PCDHA2: variants seen among roughly 807,000 people sequenced by gnomAD.
PCDHA2 encodes the protein protocadherin alpha-2.
A neutral mutation model predicts 66.0 loss-of-function variants in PCDHA2; 58 were observed. That is an observed-to-expected ratio of 0.88 (90% CI 0.71 to 1.09). The LOEUF (loss-of-function observed/expected upper bound fraction) is 1.09. PCDHA2 is among the 50% of genes least tolerant of loss of function. The pLI is 0.00. For synonymous variants in PCDHA2, 634 were observed against 554.0 expected, an observed-to-expected ratio of 1.14 and a Z score of -2.03; for missense variants, 1,267 against 1,242.3, an observed-to-expected ratio of 1.02 and a Z score of -0.30.
chr5:140,842,521 C>A (rs144333530), intron 1 of PCDHA2: 1 of 1,613,390 alleles, frequency 6.2e-7, no homozygotes, highest in African/African-American at 1.3e-5. Context: ...TGGTGTCCAC[C>A]TTCAAGAATT....
intron 1 of PCDHA2, among the ~76,000 whole-genome samples, chr5:140,942,542 G>C (rs1023135030): frequency 6.6e-5 from 10 of 152,046 alleles, no homozygotes; most frequent in African/African-American, 2.4e-4. Flanking sequence ...AGTATGGTGG[G>C]GGGTAGGGGG....
intron 1 of PCDHA2, among the ~76,000 whole-genome samples, chr5:140,962,596 T>C (rs2095694957): frequency 6.6e-6 from 1 of 152,218 alleles, no homozygotes; most frequent in South Asian, 2.1e-4. Flanking sequence ...TTGACTGATA[T>C]ATTTCTTCTG....
In PCDHA2 at chr5:140,846,583, C is replaced by T. The variant is rs2150392469; in HGVS notation, c.2388+49231C>T. On this transcript the variant is annotated intron_variant, in intron 1 of 3. Transcript: ENST00000526136. The stretch of plus-strand genomic sequence containing the variant: ...TAGAGTCGGGGTTTCACCATGTTAG[C>T]CAGGATGGTCTCGATCTCCTGACCT... Among the ~76,000 whole-genome samples the T allele has an allele frequency of 2.6e-4, 39 of 148,680 alleles. 1 individual carries two copies. Among genetic ancestry groups the T allele is most frequent in the African/African-American group, 9.4e-4 (38 of 40,584 alleles).
intron 1 of PCDHA2, chr5:140,836,466 G>C (rs1554135989): frequency 1.2e-6 from 2 of 1,613,862 alleles, no homozygotes; most frequent in Non-Finnish European, 1.7e-6. Context: ...CGAGCTGGTG[G>C]ATGTCAACGT....
intron 1 of PCDHA2, chr5:140,857,440 G>A (rs2044596243): frequency 6.3e-7 from 1 of 1,598,588 alleles, no homozygotes; most frequent in Non-Finnish European, 8.6e-7. Context: ...TGTTCGTGAA[G>A]GAGAACAACC....
chr5:140,815,438 A>T (rs1765726123), intron 1 of PCDHA2: 1 of 152,134 alleles, frequency 6.6e-6, no homozygotes, highest in African/African-American at 2.4e-5. Flanking sequence ...TAGCATCTTT[A>T]CTACAATCAC....
rs781947365 is a variant in PCDHA2, at chr5:140,796,556, T to C, written c.1592T>C (p.Leu531Pro). 1.2e-6 allele frequency: 2 copies of C among 1,613,084 alleles called. No individual in the cohort carries two copies. The highest frequency in any genetic ancestry group is 1.7e-6 in the Non-Finnish European group (2 of 1,179,828). The change falls in exon 1 of 4, where the codon CTG (leucine) becomes CCG (proline). Residue 531 changes from leucine (L) to proline (P), a missense_variant. Transcript: ENST00000526136. ...CTGGACCACGAGGAAGTGGAGCTGC[T>C]GCAGTTCCAGGTGAGCGCGCGGGAT... ...QPLDHEEVEL[L>P]QFQVSARDAG...
rs760426957 is a variant in PCDHA2, at chr5:141,009,783, G to A, written c.2693G>A (p.Arg898Gln). 2.5e-6 allele frequency: 4 copies of A among 1,613,880 alleles called. No individual in the cohort carries two copies. Among genetic ancestry groups the A allele is most frequent in the Admixed American group, 3.3e-5 (2 of 59,976 alleles). Reference protein sequence around the residue: ...IPGSPAIISIRQEPTNSQIDK... With the variant: ...IPGSPAIISIQQEPTNSQIDK... ...GGATCTCCTGCAATCATCTCCATCC[G>A]GCAGGAGCCTACTAACAGCCAAATT... is the stretch of plus-strand genomic sequence containing the variant. Residue 898 changes from arginine (R) to glutamine (Q), a missense_variant, in exon 4 of 4, where the codon CGG becomes CAG. Transcript: ENST00000526136.
In PCDHA2 at chr5:140,877,669, G is replaced by A. The variant is rs548426920; in HGVS notation, c.2388+80317G>A. The A allele has an allele frequency of 1.4e-4, 219 of 1,613,638 alleles. 3 individuals are homozygous for A. The South Asian group carries it at 2.2e-3, about 17-fold the overall frequency. On this transcript the variant is annotated intron_variant, in intron 1 of 3. Coordinates refer to ENST00000526136, the MANE Select transcript of PCDHA2 (RefSeq NM_018905.3). ...AGCGCCGCCCACCGTGAGCCGGTGC[G>A]CGCCGGGCAAGCCCACGCTGGTGTG...
intron 1 of PCDHA2, among the ~76,000 whole-genome samples, chr5:140,872,514 T>G (rs1223185665): frequency 1.3e-5 from 2 of 152,108 alleles, no homozygotes; most frequent in East Asian, 3.9e-4. Context: ...GTAGTCCCAG[T>G]TTCTTGGGAG....
rs17844294 is a variant in PCDHA2 at position 140,823,179 on chromosome 5, G to A, written c.2388+25827G>A. On this transcript the variant is annotated intron_variant, in intron 1 of 3. Transcript: ENST00000526136. ...CCGTGTTCGTGAAGGAGAACAACCC[G>A]CCAGGCTGCCACATCTTCACGGTGT... 12 of 1,613,914 alleles carry A rather than the reference G, an allele frequency of 7.4e-6. No individual in the cohort carries two copies. The East Asian group carries it at 1.6e-4, about 21-fold the overall frequency.
intron 1 of PCDHA2, among the ~76,000 whole-genome samples, chr5:140,806,566 A>AT (rs1427431538): frequency 5.3e-5 from 8 of 152,202 alleles, no homozygotes; most frequent in African/African-American, 1.9e-4. Context: ...TTCCCTGTCA[A>AT]TAGCTTGTTC....
Position 140,836,117 on chromosome 5 carries a change from A to G in PCDHA2, c.2388+38765A>G, listed in dbSNP as rs1254092346. The G allele has an allele frequency of 3.1e-6, 5 of 1,613,532 alleles. No homozygotes were observed. In the Admixed American group the frequency reaches 5.0e-5, roughly 16 times the overall value. On this transcript the variant is annotated intron_variant, in intron 1 of 3. Transcript: ENST00000526136. ...TGGGTGGCACTGGTGGCGCAGTGAG[A>G]GAGCTTGTGCCGCGGTCTGTGGGCG...
chr5:140,933,704 T>C (rs1436562602), intron 1 of PCDHA2, among the ~76,000 whole-genome samples: 1 of 152,084 alleles, frequency 6.6e-6, no homozygotes, highest in African/African-American at 2.4e-5. Flanking sequence ...CGGACACATT[T>C]ACTGAGATTG....
At chr5:140,866,540 C>T (rs920003585) in intron 1 of PCDHA2, 4 of 152,134 alleles carry the variant, frequency 2.6e-5, no homozygotes, top group Admixed American at 2.6e-4. Context: ...GAATTAGCAT[C>T]ACGGAATAAA....
intron 1 of PCDHA2, chr5:140,836,571 G>T: frequency 6.2e-7 from 1 of 1,613,712 alleles, no homozygotes; most frequent in South Asian, 1.1e-5. Flanking sequence ...GTCCTCTGAG[G>T]GCGCATGTAG....
chr5:140,997,375 G>A (rs983164883), intron 3 of PCDHA2, among the ~76,000 whole-genome samples: 1 of 152,066 alleles, frequency 6.6e-6, no homozygotes, highest in Non-Finnish European at 1.5e-5. Flanking sequence ...AGATGATATA[G>A]CATACTACAC....
At chr5:140,824,801 TG>T (rs1474083904) in intron 1 of PCDHA2, 15 of 151,892 alleles carry the variant, frequency 9.9e-5, no homozygotes, top group African/African-American at 3.1e-4. Flanking sequence ...TTTGCCTTTT[TG>T]TTTCTATTGA....
rs1554205452 is a variant in PCDHA2 at position 140,928,080 on chromosome 5, C to T, written c.2389-50869C>T. ...CGGCTTCCTTTGACAACTACTACAG[C>T]CTGCTGATTGATGGGCCCCTGGACC... On this transcript the variant is annotated intron_variant, in intron 1 of 3. Transcript: ENST00000526136. The T allele has an allele frequency of 2.5e-6, 4 of 1,614,072 alleles. No homozygotes were observed. The African/African-American group carries it at 4.0e-5, about 16-fold the overall frequency.
Sources: allele counts gnomAD v4.1 joint callset (sites outside exome capture counted in the v4.1 genomes callset), GRCh38; gene constraint gnomAD v4.1.1; transcripts MANE v1.5; gene names NCBI Gene and HGNC (gene_info 2026-07-23, HGNC 2026-07-21).